Variants in MID1 observed in about 807,000 individuals in gnomAD.
MID1 encodes the protein E3 ubiquitin-protein ligase Midline-1.
In MID1, 7 loss-of-function variants were observed where a neutral mutation model predicts 40.4. The observed-to-expected ratio is 0.17, with a 90% CI of 0.10 to 0.33. The LOEUF is 0.33. Ranked by LOEUF, MID1 falls within the 10% of genes least tolerant of loss-of-function variation. MID1 has a pLI of 1.00. For synonymous variants in MID1, 229 were observed against 221.2 expected (o/e 1.04, Z -0.31); for missense variants, 367 against 558.5 (o/e 0.66, Z 3.46).
intron 2 of MID1, among the ~76,000 whole-genome samples, chrX:10,563,820 ATC>A (rs1276069720): frequency 2.7e-5 from 3 of 112,219 alleles, no homozygotes; most frequent in African/African-American, 9.7e-5. Flanking sequence ...TAGAATTTTT[ATC>A]TCTTTTTCTT....
At chrX:10,652,592 G>A (rs12007673) in intron 1 of MID1, among the ~76,000 whole-genome samples, 7,259 of 110,874 alleles carry the variant, frequency 0.065, 405 homozygotes, top group African/African-American at 0.19. Flanking sequence ...AAGACTCTTC[G>A]TTGGCTCCCA....
At chrX:10,699,758 C>A (rs1352415277) in intron 1 of MID1, among the ~76,000 whole-genome samples, 1 of 111,194 alleles carries the variant, frequency 9.0e-6, no homozygotes, top group East Asian at 2.8e-4. Flanking sequence ...CTGTCTAGAT[C>A]TTTTTACGGT....
At chrX:10,566,237 A>G (rs1353751821) in intron 2 of MID1, among the ~76,000 whole-genome samples, 6 of 111,586 alleles carry the variant, frequency 5.4e-5, no homozygotes, top group African/African-American at 2.0e-4. Context: ...CTGAATAAAG[A>G]GCCTACACGA....
chrX:10,812,574 C>T (rs2044109632), intron 1 of MID1, among the ~76,000 whole-genome samples: 1 of 111,057 alleles, frequency 9.0e-6, no homozygotes, highest in South Asian at 3.9e-4. Flanking sequence ...TCCTAAAAAT[C>T]TAAGCATCTC....
At chrX:10,825,663 AG>A (rs908468978) in intron 1 of MID1, among the ~76,000 whole-genome samples, 1 of 110,885 alleles carries the variant, frequency 9.0e-6, no homozygotes, top group Admixed American at 9.6e-5. Flanking sequence ...GGTTGAGGGG[AG>A]GGGGTAAGGG....
In MID1 at chrX:10,807,860, A is replaced by G. The variant is rs931231649; in HGVS notation, c.-187+25694T>C. Among the ~76,000 whole-genome samples the G allele has an allele frequency of 3.6e-5, 4 of 111,967 alleles. No homozygotes were observed. In the Admixed American group the frequency reaches 3.8e-4, roughly 11 times the overall value. The stretch of plus-strand genomic sequence containing the variant: ...AAGGTTCCAGGGATTCAGGTGGAAC[A>G]TTTTTGGAGGCACATCCTAGAACTT... On this transcript the variant is annotated intron_variant, in intron 1 of 10. Coordinates refer to the MID1 transcript ENST00000380785.
At chrX:10,585,618 T>C (rs1318485536) in intron 1 of MID1, among the ~76,000 whole-genome samples, 1 of 111,016 alleles carries the variant, frequency 9.0e-6, no homozygotes, top group Non-Finnish European at 1.9e-5. Context: ...GGTTACACGT[T>C]CCTCTTTTTT....
At chrX:10,565,961 C>T (rs1258527762) in intron 2 of MID1, among the ~76,000 whole-genome samples, 1 of 110,579 alleles carries the variant, frequency 9.0e-6, no homozygotes, top group Non-Finnish European at 1.9e-5. Flanking sequence ...AGGCACCCAC[C>T]ACCACACCCG....
intron 1 of MID1, among the ~76,000 whole-genome samples, chrX:10,596,452 T>G (rs1242198199): frequency 8.9e-6 from 1 of 112,312 alleles, no homozygotes; most frequent in Non-Finnish European, 1.9e-5. Context: ...CTAGAATAAA[T>G]GTAAATATTT....
intron 2 of MID1, among the ~76,000 whole-genome samples, chrX:10,558,834 A>G (rs1934224988): frequency 8.9e-6 from 1 of 112,918 alleles, no homozygotes; most frequent in Non-Finnish European, 1.9e-5. Flanking sequence ...CCCAAGAATT[A>G]CGTTTACACA....
At chrX:10,688,818 G>A (rs1422297420) in intron 1 of MID1, among the ~76,000 whole-genome samples, 1 of 111,548 alleles carries the variant, frequency 9.0e-6, no homozygotes, top group Non-Finnish European at 1.9e-5. Flanking sequence ...AAAAAGTTCA[G>A]AACAGTCTGA....
In MID1 at chrX:10,800,476, A is replaced by C. The variant is rs189814276; in HGVS notation, c.-187+33078T>G. 8.0e-5 allele frequency among the ~76,000 whole-genome samples: 9 copies of C among 112,078 alleles called. No individual in the cohort carries two copies. The East Asian group carries it at 2.2e-3, about 28-fold the overall frequency. On this transcript the variant is annotated intron_variant, in intron 1 of 10. Coordinates refer to the MID1 transcript ENST00000380785. ...GCTGTGACCAGATTCCTTACCCACAAAACCTGAGAGATAATAAATGTGTGA... is the reference window on the plus strand; with the variant it reads ...GCTGTGACCAGATTCCTTACCCACACAACCTGAGAGATAATAAATGTGTGA...
chrX:10,565,896 AC>A (rs1389680947), intron 2 of MID1, among the ~76,000 whole-genome samples: 2 of 102,778 alleles, frequency 1.9e-5, no homozygotes, highest in East Asian at 3.0e-4. Flanking sequence ...TGCAACATCC[AC>A]CCCCCAGGGT....
intron 1 of MID1, among the ~76,000 whole-genome samples, chrX:10,639,849 A>G (rs1405433094): frequency 1.8e-5 from 2 of 112,129 alleles, no homozygotes; most frequent in Non-Finnish European, 3.8e-5. Context: ...GAAGGGAGTG[A>G]GGGCCAATAT....
At chrX:10,708,247 T>G (rs776101694) in intron 1 of MID1, among the ~76,000 whole-genome samples, 23 of 112,530 alleles carry the variant, frequency 2.0e-4, no homozygotes, top group African/African-American at 7.1e-4. Flanking sequence ...AAAATGTATA[T>G]TCTATGAAAC....
At chrX:10,701,003 C>A (rs1157126755) in intron 1 of MID1, among the ~76,000 whole-genome samples, 2 of 111,991 alleles carry the variant, frequency 1.8e-5, no homozygotes, top group Non-Finnish European at 3.8e-5. Flanking sequence ...GAAACACTTA[C>A]TTACTTTTTT....
At chrX:10,456,681 A>C (rs1569268740) in intron 8 of MID1, among the ~76,000 whole-genome samples, 1 of 111,463 alleles carries the variant, frequency 9.0e-6, no homozygotes, top group Non-Finnish European at 1.9e-5. Flanking sequence ...TACTAAAAAT[A>C]CAAAAATTAG....
At chrX:10,668,648 T>C (rs2042965750) in intron 1 of MID1, among the ~76,000 whole-genome samples, 1 of 112,445 alleles carries the variant, frequency 8.9e-6, no homozygotes. Flanking sequence ...GTTACACATG[T>C]ATATGGAAAT....
At chrX:10,650,098 G>A (rs942392823) in intron 1 of MID1, among the ~76,000 whole-genome samples, 3 of 111,334 alleles carry the variant, frequency 2.7e-5, no homozygotes, top group African/African-American at 9.8e-5. Flanking sequence ...GGGATAAAAA[G>A]CCACATCTCT....
Sources: allele counts gnomAD v4.1 joint callset (sites outside exome capture counted in the v4.1 genomes callset), GRCh38; gene constraint gnomAD v4.1.1; transcripts MANE v1.5; gene names NCBI Gene and HGNC (gene_info 2026-07-23, HGNC 2026-07-21).